DLGAP1: variants seen among roughly 807,000 people sequenced by gnomAD.
DLGAP1 encodes DLG associated protein 1.
In DLGAP1, 11 loss-of-function variants were observed where a neutral mutation model predicts 90.8. The ratio of observed to expected loss-of-function variants is 0.12; its 90% confidence interval spans 0.08 to 0.20. DLGAP1 has a LOEUF of 0.20. Among genes scored for constraint, DLGAP1 ranks in the 10% least tolerant of loss-of-function variants. The probability of loss-of-function intolerance (pLI) is 1.00; values close to 1 mark genes in which losing one functional copy is unlikely to be tolerated. For missense variants in DLGAP1, 1,050 were observed against 1,333.8 expected (o/e 0.79, Z 3.31); for synonymous variants, 558 against 540.7 (o/e 1.03, Z -0.44).
chr18:4,403,863 T>C (rs555058570), intron 1 of DLGAP1, among the ~76,000 whole-genome samples: 53 of 152,294 alleles, frequency 3.5e-4, no homozygotes, highest in Middle Eastern at 3.4e-3. Flanking sequence ...GTAATTAGGC[T>C]ATGAAATATC....
At chr18:4,007,442 G>A (rs962763855) in intron 2 of DLGAP1, among the ~76,000 whole-genome samples, 2 of 152,126 alleles carry the variant, frequency 1.3e-5, no homozygotes, top group African/African-American at 4.8e-5. Context: ...ATTACCTGAG[G>A]TCAGGAGTTC....
intron 1 of DLGAP1, among the ~76,000 whole-genome samples, chr18:4,213,254 G>C (rs1252442978): frequency 6.6e-6 from 1 of 152,126 alleles, no homozygotes; most frequent in South Asian, 2.1e-4. Flanking sequence ...AGGGTTTGGA[G>C]GAGCAAAGTG....
rs569092480 is a variant in DLGAP1, at chr18:4,332,148, G to A, written c.-267+122858C>T. On this transcript the variant is annotated intron_variant, in intron 1 of 12. Transcript: ENST00000315677. ...AGGATGGATTCTTTGACCATGATTGGAATGGGGAGTAGGAGTTAACCAGCA... is the reference window on the plus strand; with the variant it reads ...AGGATGGATTCTTTGACCATGATTGAAATGGGGAGTAGGAGTTAACCAGCA... Among the ~76,000 whole-genome samples, 10 of 151,926 alleles carry A rather than the reference G, an allele frequency of 6.6e-5. No individual in the cohort carries two copies. The South Asian group carries it at 1.9e-3, about 28-fold the overall frequency.
intron 7 of DLGAP1, among the ~76,000 whole-genome samples, chr18:3,685,076 C>T (rs1337908928): frequency 1.3e-5 from 2 of 152,140 alleles, no homozygotes. Flanking sequence ...TGCTGAGAAG[C>T]CTGCATTACC....
At chr18:3,941,002 C>T (rs902223157) in intron 3 of DLGAP1, among the ~76,000 whole-genome samples, 5 of 152,012 alleles carry the variant, frequency 3.3e-5, no homozygotes, top group Non-Finnish European at 4.4e-5. Context: ...TTGAGCAGCT[C>T]GGTGGGAGAA....
intron 3 of DLGAP1, among the ~76,000 whole-genome samples, chr18:3,937,862 C>T (rs183214955): frequency 5.3e-4 from 80 of 152,284 alleles, no homozygotes; most frequent in Admixed American, 1.0e-3. Context: ...TCCAATCTGG[C>T]TATGATGTTT....
intron 7 of DLGAP1, among the ~76,000 whole-genome samples, chr18:3,714,638 G>GTT (rs1568002507): frequency 4.0e-5 from 5 of 125,748 alleles, no homozygotes; most frequent in Admixed American, 1.8e-4. Context: ...CTGATTACGT[G>GTT]GTTTTTTTTT....
intron 1 of DLGAP1, among the ~76,000 whole-genome samples, chr18:4,230,394 T>C (rs1264940590): frequency 6.6e-6 from 1 of 152,132 alleles, no homozygotes; most frequent in African/African-American, 2.4e-5. Context: ...AACCTCAGTG[T>C]CCATCAACAG....
chr18:3,900,341 C>T (rs2071753443), intron 3 of DLGAP1, among the ~76,000 whole-genome samples: 3 of 152,194 alleles, frequency 2.0e-5, no homozygotes, highest in Admixed American at 6.5e-5. Context: ...CTCAGGACCC[C>T]CAACTATCTC....
intron 1 of DLGAP1, among the ~76,000 whole-genome samples, chr18:4,428,581 T>TA (rs2083209020): frequency 6.6e-6 from 1 of 151,784 alleles, no homozygotes; most frequent in Non-Finnish European, 1.5e-5. Flanking sequence ...GACTCTGTTT[T>TA]AAAAAAAGTG....
chr18:3,649,137 C>T (rs2059212869), intron 7 of DLGAP1, among the ~76,000 whole-genome samples: 1 of 152,214 alleles, frequency 6.6e-6, no homozygotes, highest in African/African-American at 2.4e-5. Flanking sequence ...GAACACTGTG[C>T]CAGTATAAAC....
chr18:3,822,124 T>A, intron 4 of DLGAP1: 1 of 453,212 alleles, frequency 2.2e-6, no homozygotes, highest in Non-Finnish European at 2.9e-6. Flanking sequence ...AAGATTTCCC[T>A]GGCAACCGCC....
intron 2 of DLGAP1, among the ~76,000 whole-genome samples, chr18:4,014,329 C>T (rs556666741): frequency 3.3e-5 from 5 of 152,180 alleles, no homozygotes; most frequent in South Asian, 2.1e-4. Context: ...GTGATCTGCC[C>T]GCCTCGGCCT....
intron 1 of DLGAP1, among the ~76,000 whole-genome samples, chr18:4,278,017 G>A (rs545508130): frequency 2.0e-5 from 3 of 151,796 alleles, no homozygotes; most frequent in Non-Finnish European, 4.4e-5. Context: ...ACCATTGGAC[G>A]TGTTCAAATT....
rs749197312 is a variant in DLGAP1, at chr18:3,597,054, C to A, written c.1592-14806G>T. On this transcript the variant is annotated intron_variant, in intron 7 of 12. Transcript: ENST00000315677. ...GTGACACTGCCCTTTTCCTGTGCAGCTGTTTTTCTTCTTCATTCTTTTCAC... is the reference window on the plus strand; with the variant it reads ...GTGACACTGCCCTTTTCCTGTGCAGATGTTTTTCTTCTTCATTCTTTTCAC... 5.8e-6 allele frequency: 3 copies of A among 519,928 alleles called. No homozygotes were observed. In the African/African-American group the frequency reaches 5.8e-5, roughly 10 times the overall value. The allele number at this position is 519,928 out of a possible 1,614,324, so 32.2% of individuals were successfully genotyped here. A position where few individuals can be genotyped will look rare whatever the true frequency, so the allele number is the denominator to read the frequency against.
chr18:4,096,172 T>G (rs1300257564), intron 2 of DLGAP1, among the ~76,000 whole-genome samples: 1 of 152,112 alleles, frequency 6.6e-6, no homozygotes, highest in Non-Finnish European at 1.5e-5. Context: ...ATTGCAGGTG[T>G]GTGCCACTAC....
intron 1 of DLGAP1, among the ~76,000 whole-genome samples, chr18:4,290,398 T>A (rs190780434): frequency 3.4e-4 from 52 of 152,240 alleles, no homozygotes; most frequent in Admixed American, 1.5e-3. Flanking sequence ...GTTGAGATAA[T>A]CTGTAAAATC....
At chr18:4,248,388 C>T (rs1192359448) in intron 1 of DLGAP1, among the ~76,000 whole-genome samples, 2 of 152,210 alleles carry the variant, frequency 1.3e-5, no homozygotes, top group Non-Finnish European at 2.9e-5. Flanking sequence ...GAGGATTTCT[C>T]TTATCCTGAT....
intron 1 of DLGAP1, among the ~76,000 whole-genome samples, chr18:4,357,194 C>T (rs1169921742): frequency 1.5e-5 from 2 of 132,082 alleles, no homozygotes; most frequent in African/African-American, 5.7e-5. Context: ...CACTCTGTGG[C>T]CCAGGCTAGA....
Sources: allele counts gnomAD v4.1 joint callset (sites outside exome capture counted in the v4.1 genomes callset), GRCh38; gene constraint gnomAD v4.1.1; transcripts MANE v1.5; gene names NCBI Gene and HGNC (gene_info 2026-07-23, HGNC 2026-07-21).